The following GRID2 variants were observed in gnomAD, a reference collection of about 807,000 sequenced individuals.
The protein encoded by GRID2 is glutamate receptor ionotropic, delta-2.
GRID2 carries 33 observed loss-of-function variants against 114.8 expected under a neutral mutation model. That is an observed-to-expected ratio of 0.29 (90% confidence interval 0.22 to 0.38). The LOEUF (loss-of-function observed/expected upper bound fraction) is 0.38. GRID2 is among the 10% of genes least tolerant of loss of function. GRID2 has a pLI of 1.00. For missense variants in GRID2, 1,184 were observed against 1,257.7 expected (o/e 0.94, Z 0.89); for synonymous variants, 505 against 449.9 (o/e 1.12, Z -1.55).
chr4:92,716,987 T>C (rs896080251), intron 2 of GRID2, among the ~76,000 whole-genome samples: 1 of 152,150 alleles, frequency 6.6e-6, no homozygotes, highest in South Asian at 2.1e-4. Context: ...TTGTGGTAAA[T>C]AGCTCCATGA....
At chr4:93,561,444 C>G (rs914092381) in intron 13 of GRID2, among the ~76,000 whole-genome samples, 1 of 151,914 alleles carries the variant, frequency 6.6e-6, no homozygotes, top group East Asian at 1.9e-4. Flanking sequence ...TTCCGTATAC[C>G]ATTTGCCCCT....
intron 2 of GRID2, among the ~76,000 whole-genome samples, chr4:92,734,611 T>C (rs1240243593): frequency 6.6e-6 from 1 of 151,958 alleles, no homozygotes; most frequent in Non-Finnish European, 1.5e-5. Flanking sequence ...GTGAAATTTC[T>C]AAAGAGGAAA....
chr4:92,327,366 T>TTG (rs33960256), intron 1 of GRID2, among the ~76,000 whole-genome samples: 3,754 of 150,046 alleles, frequency 0.025, 49 homozygotes, highest in Non-Finnish European at 0.029. Context: ...ATCCTAGATT[T>TTG]TGTGTGTGTG....
At chr4:93,567,815 GA>G (rs1313497262) in intron 13 of GRID2, among the ~76,000 whole-genome samples, 3 of 152,262 alleles carry the variant, frequency 2.0e-5, no homozygotes, top group African/African-American at 7.2e-5. Context: ...ATGGATTTTA[GA>G]GGCAGCCTAA....
At chr4:93,371,067 T>C (rs1762854032) in intron 8 of GRID2, among the ~76,000 whole-genome samples, 1 of 152,176 alleles carries the variant, frequency 6.6e-6, no homozygotes, top group Admixed American at 6.6e-5. Context: ...GAATCGTTTA[T>C]TCAGAAAGAA....
intron 8 of GRID2, among the ~76,000 whole-genome samples, chr4:93,332,293 TGTGTGTGAGA>T (rs1284846951): frequency 1.3e-4 from 15 of 114,766 alleles, no homozygotes; most frequent in Middle Eastern, 4.5e-3. Context: ...TGTGTGTGTG[TGTGTGTGAGA>T]GAGAGAGAGA....
At chr4:92,452,825 A>G (rs1720998711) in intron 1 of GRID2, among the ~76,000 whole-genome samples, 1 of 86,400 alleles carries the variant, frequency 1.2e-5, no homozygotes, top group Non-Finnish European at 2.3e-5. Context: ...TATGTTTACC[A>G]TATATATATA....
At chr4:93,377,416 A>G (rs2149302532) in intron 8 of GRID2, among the ~76,000 whole-genome samples, 1 of 152,194 alleles carries the variant, frequency 6.6e-6, no homozygotes, top group East Asian at 1.9e-4. Flanking sequence ...AATTGGGTGC[A>G]CTGGAGAGCT....
chr4:92,431,542 GC>G (rs933162191), intron 1 of GRID2, among the ~76,000 whole-genome samples: 2 of 149,534 alleles, frequency 1.3e-5, no homozygotes, highest in African/African-American at 4.9e-5. Context: ...AGGGATATTG[GC>G]CTGTAGTTTT....
chr4:92,843,206 C>T (rs1315366168), intron 2 of GRID2, among the ~76,000 whole-genome samples: 1 of 151,996 alleles, frequency 6.6e-6, no homozygotes, highest in Non-Finnish European at 1.5e-5. Context: ...TGCACCACTG[C>T]ACTCCAGCCT....
chr4:93,344,664 T>G (rs1222890087), intron 8 of GRID2, among the ~76,000 whole-genome samples: 3 of 148,428 alleles, frequency 2.0e-5, no homozygotes, highest in Non-Finnish European at 4.5e-5. Flanking sequence ...TTACAGTATA[T>G]TTTTATAATA....
intron 1 of GRID2, among the ~76,000 whole-genome samples, chr4:92,495,853 T>A (rs897589872): frequency 1.3e-5 from 2 of 152,050 alleles, no homozygotes; most frequent in South Asian, 2.1e-4. Context: ...CATATTCCTA[T>A]GCTTCTCTAG....
intron 13 of GRID2, among the ~76,000 whole-genome samples, chr4:93,593,856 A>G (rs1335658188): frequency 6.6e-6 from 1 of 151,828 alleles, no homozygotes; most frequent in Non-Finnish European, 1.5e-5. Flanking sequence ...TCGGCTCCTG[A>G]GGCTTCTGCA....
rs542735553 is a variant in GRID2, at chr4:92,698,658, G to T, written c.244+108372G>T. Among the ~76,000 whole-genome samples, 13 of 151,394 alleles carry T rather than the reference G, an allele frequency of 8.6e-5. No individual in the cohort carries two copies. In the South Asian group the frequency reaches 2.7e-3, roughly 32 times the overall value. ...CCTTTAAAAAAAAAAGAATGGAAAA[G>T]TAGAAATACAAAGAAGCTTCTTTGA... On this transcript the variant is annotated intron_variant, in intron 2 of 15. Transcript: ENST00000282020.
chr4:92,365,990 A>AAC (rs1422815306), intron 1 of GRID2, among the ~76,000 whole-genome samples: 1 of 152,036 alleles, frequency 6.6e-6, no homozygotes, highest in Non-Finnish European at 1.5e-5. Flanking sequence ...TTAAATATGA[A>AAC]ACACTTCATC....
chr4:92,873,456 T>A (rs1745413964), intron 2 of GRID2, among the ~76,000 whole-genome samples: 1 of 152,220 alleles, frequency 6.6e-6, no homozygotes. Context: ...ATCATTTAAA[T>A]GTTATATTAT....
At chr4:93,412,745 C>G (rs960332248) in intron 9 of GRID2, among the ~76,000 whole-genome samples, 1 of 152,070 alleles carries the variant, frequency 6.6e-6, no homozygotes, top group Admixed American at 6.6e-5. Flanking sequence ...CTCTCCCTCC[C>G]CTTGCCTACC....
At chr4:92,816,016 T>C (rs956370242) in intron 2 of GRID2, among the ~76,000 whole-genome samples, 3 of 150,788 alleles carry the variant, frequency 2.0e-5, no homozygotes, top group Non-Finnish European at 3.0e-5. Context: ...AATATTGTTT[T>C]TAAAAGTACA....
At chr4:92,929,345 CT>C (rs1416138461) in intron 2 of GRID2, among the ~76,000 whole-genome samples, 1 of 150,894 alleles carries the variant, frequency 6.6e-6, no homozygotes, top group African/African-American at 2.4e-5. Flanking sequence ...AATTTTGTTT[CT>C]TTTTTTCTCA....
Sources: gnomAD v4.1 joint callset for allele counts (sites outside exome capture counted in the v4.1 genomes callset) on GRCh38, gnomAD v4.1.1 for gene constraint, MANE v1.5 for transcripts, NCBI Gene and HGNC (gene_info 2026-07-23, HGNC 2026-07-21) for gene names.